The following NISCH variants were observed in gnomAD, a reference collection of about 807,000 sequenced individuals.
The protein encoded by NISCH is I-1 receptor candidate protein.
In NISCH, 55 loss-of-function variants were observed where a neutral mutation model predicts 138.4. The observed-to-expected ratio is 0.40, with a 90% CI of 0.32 to 0.50. The LOEUF is 0.50. Among genes scored for constraint, NISCH ranks in the 20% least tolerant of loss-of-function variants. NISCH has a pLI of 0.71. For missense variants in NISCH, 1,643 were observed against 2,005.5 expected, an observed-to-expected ratio of 0.82 and a Z score of 3.45; for synonymous variants, 860 against 861.5, an observed-to-expected ratio of 1.00 and a Z score of 0.03.
At chr3:52,480,374 G>A (rs1707236460) in intron 13 of NISCH, 79 bp downstream of exon 13, 2 of 1,583,408 alleles carry the variant, frequency 1.3e-6, no homozygotes, top group Non-Finnish European at 1.7e-6. Context: ...GGTTGGGGGA[G>A]AGGTGCCAGC....
In NISCH at chr3:52,488,287, C is replaced by A. The variant is rs766771062; in HGVS notation, c.2795C>A (p.Thr932Asn). The A allele has an allele frequency of 6.2e-7, 1 of 1,610,720 alleles. No individual in the cohort carries two copies. The highest frequency in any genetic ancestry group is 2.2e-5 in the East Asian group (1 of 44,882). The change falls in exon 16 of 21, where the codon ACC becomes AAC. Residue 932 changes from threonine (T) to asparagine (N), a missense_variant. By Grantham distance (65) the Thr-to-Asn change is moderately conservative (BLOSUM62 0). Coordinates refer to ENST00000345716, the MANE Select transcript of NISCH (RefSeq NM_007184.4). Reference protein sequence around the residue: ...ADFNPMPNRGTHNCRNRNSFK... With the variant: ...ADFNPMPNRGNHNCRNRNSFK... ...TTCAACCCCATGCCCAACCGTGGCA[C>A]CCACAACTGTCGCAACCGCAACAGC...
intron 3 of NISCH, among the ~76,000 whole-genome samples, chr3:52,467,930 C>G (rs1258250578): frequency 6.6e-6 from 1 of 152,096 alleles, no homozygotes; most frequent in Non-Finnish European, 1.5e-5. Flanking sequence ...TTTTTTTTCT[C>G]TGTGTTCTTT....
chr3:52,491,687 C>A, intron 20 of NISCH, 174 bp downstream of exon 20: 1 of 1,058,462 alleles, frequency 9.4e-7, no homozygotes, highest in Non-Finnish European at 1.3e-6. Flanking sequence ...CCAGCAGTCC[C>A]TCAACCATCT....
At chr3:52,469,579 C>T (rs1706882207) in intron 3 of NISCH, among the ~76,000 whole-genome samples, 1 of 152,176 alleles carries the variant, frequency 6.6e-6, no homozygotes, top group African/African-American at 2.4e-5. Context: ...CCACCCTGGG[C>T]AACATAGTGA....
intron 6 of NISCH, 52 bp downstream of exon 6, chr3:52,472,450 G>A: frequency 2.7e-6 from 4 of 1,480,544 alleles, no homozygotes; most frequent in Non-Finnish European, 3.8e-6. Context: ...AGAGGCTAGA[G>A]AGTGTTTGTG....
chr3:52,467,876 T>C (rs976740105), intron 3 of NISCH, among the ~76,000 whole-genome samples: 2 of 152,220 alleles, frequency 1.3e-5, no homozygotes, highest in African/African-American at 4.8e-5. Flanking sequence ...TCCTTCTGCC[T>C]CAGCCTCCCA....
chr3:52,492,767 C>T lies in NISCH; in HGVS notation c.*285C>T. ...TTGTGGGACCGTTGTTAACACGTGA[C>T]ACTGTGGGTCTGACTTTCTCTTCTA... is the stretch of plus-strand genomic sequence containing the variant. On this transcript the variant is annotated 3_prime_UTR_variant, in exon 21 of 21. Transcript: ENST00000345716. 1 of 452,178 alleles carries T rather than the reference C, an allele frequency of 2.2e-6. No homozygotes were observed. Among genetic ancestry groups the T allele is most frequent in the Admixed American group, 3.8e-5 (1 of 26,338 alleles). 28.0% of individuals were successfully genotyped at this position (452,178 alleles called of 1,614,324 possible).
intron 3 of NISCH, among the ~76,000 whole-genome samples, chr3:52,464,803 C>A (rs1375635907): frequency 6.6e-6 from 1 of 150,866 alleles, no homozygotes; most frequent in Non-Finnish European, 1.5e-5. Flanking sequence ...GGCATTACAG[C>A]CTGAGCCACC....
Position 52,490,095 on chromosome 3 carries a change from G to A in NISCH, c.3477G>A (p.Arg1159=), listed in dbSNP as rs200002810. Residue 1159 remains arginine (R), a synonymous_variant, in exon 18 of 21, where the codon AGG becomes AGA. Transcript: ENST00000345716. The stretch of plus-strand genomic sequence containing the variant: ...TTCAGGTTGAAAACGAGGAGCTGAG[G>A]CACCTCATGTGGTCCTCGGTGGTGT... ...SIAEVENEEL[R]HLMWSSVVFY... is the part of the protein sequence containing the mutation. 4 of 1,613,638 alleles carry A rather than the reference G, an allele frequency of 2.5e-6. No homozygotes were observed. The highest frequency in any genetic ancestry group is 1.3e-5 in the African/African-American group (1 of 75,032).
At chr3:52,470,805 C>T (rs1292447746) in intron 3 of NISCH, 54 bp from the exon 4 acceptor site, 1 of 1,499,238 alleles carries the variant, frequency 6.7e-7, no homozygotes, top group Admixed American at 1.7e-5. Flanking sequence ...GAATGTGACC[C>T]CAGGGACTGG....
chr3:52,474,386 T>C (rs1049626075), intron 7 of NISCH, among the ~76,000 whole-genome samples: 1 of 152,048 alleles, frequency 6.6e-6, no homozygotes, highest in Non-Finnish European at 1.5e-5. Context: ...AAGCTCTGCC[T>C]CCCGGGTTCA....
intron 7 of NISCH, among the ~76,000 whole-genome samples, chr3:52,474,981 C>T (rs575824180): frequency 2.0e-5 from 3 of 152,294 alleles, no homozygotes; most frequent in East Asian, 3.9e-4. Context: ...TTATGGATTA[C>T]ATCTTGCTAA....
intron 1 of NISCH, among the ~76,000 whole-genome samples, chr3:52,456,055 T>G (rs1169856211): frequency 2.0e-5 from 3 of 151,622 alleles, no homozygotes; most frequent in African/African-American, 7.3e-5. Flanking sequence ...CCCCTCTAGA[T>G]CCTCTAGGAC....
At chr3:52,481,937 GT>G (rs1271525408) in intron 13 of NISCH, 2 of 984,928 alleles carry the variant, frequency 2.0e-6, no homozygotes, top group Non-Finnish European at 2.4e-6. Context: ...TTTCCTTTTG[GT>G]GAGAAACAGC....
rs141246499 is a variant in NISCH, at chr3:52,473,773, G to A, written c.709G>A (p.Ala237Thr). ...TGCTAAGCACATCAGAGGGCTGGTC[G>A]CATCGAAGCCCACCTTAGCCACGCT... ...CDAKHIRGLVASKPTLATLSV... is the reference protein window; with the variant it reads ...CDAKHIRGLVTSKPTLATLSV... Residue 237 changes from alanine to threonine, a missense_variant, in exon 7 of 21, where the codon GCA (alanine) becomes ACA (threonine). Physicochemically the swap from Ala to Thr is moderately conservative, Grantham distance 58 (BLOSUM62 0). Coordinates refer to ENST00000345716, the MANE Select transcript of NISCH (RefSeq NM_007184.4). 397 of 1,608,584 alleles carry A rather than the reference G, an allele frequency of 2.5e-4. 2 individuals are homozygous for A. The African/African-American group carries it at 4.5e-3, about 18-fold the overall frequency.
chr3:52,462,862 G>A (rs775954675), intron 3 of NISCH, among the ~76,000 whole-genome samples: 2 of 151,932 alleles, frequency 1.3e-5, no homozygotes, highest in South Asian at 2.1e-4. Flanking sequence ...GGTCTCAAAC[G>A]CTTGACCTCG....
chr3:52,489,205 A>G, intron 16 of NISCH, 131 bp from the exon 17 acceptor site: 1 of 1,084,426 alleles, frequency 9.2e-7, no homozygotes, highest in East Asian at 2.4e-5. Context: ...CCAATAGAGA[A>G]GCTGGTGGAA....
rs763146124 is a variant in NISCH, at chr3:52,488,195, C to G, written c.2703C>G (p.Val901=). 3.1e-6 allele frequency: 5 copies of G among 1,613,248 alleles called. No individual in the cohort carries two copies. The highest frequency in any genetic ancestry group is 4.2e-6 in the Non-Finnish European group (5 of 1,179,964). The change falls in exon 16 of 21, where the codon GTC becomes GTG. Residue 901 remains valine, a synonymous_variant. Coordinates refer to ENST00000345716, the MANE Select transcript of NISCH (RefSeq NM_007184.4). ...RRSCCAPSEA[V]KSAAIPYWLL... is the part of the protein sequence containing the mutation. ...CCTGCTGCGCGCCCTCTGAGGCCGT[C>G]AAGTCCGCCGCCATCCCCTACTGGC...
At position 52,488,282 on chromosome 3, in the gene NISCH, T is replaced by C. The variant is rs1435202020; in HGVS notation, c.2790T>C (p.Arg930=). ...CCGACTTCAACCCCATGCCCAACCGTGGCACCCACAACTGTCGCAACCGCA... is the reference window on the plus strand; with the variant it reads ...CCGACTTCAACCCCATGCCCAACCGCGGCACCCACAACTGTCGCAACCGCA... ...IKADFNPMPN[R]GTHNCRNRNS... The change falls in exon 16 of 21, where the codon CGT becomes CGC. Residue 930 remains arginine, a synonymous_variant. Transcript: ENST00000345716. 6.2e-7 allele frequency: 1 copy of C among 1,610,542 alleles called. No individual in the cohort carries two copies. Among genetic ancestry groups the C allele is most frequent in the Admixed American group, 1.7e-5 (1 of 60,018 alleles).
Sources: gnomAD v4.1 joint callset for allele counts (sites outside exome capture counted in the v4.1 genomes callset) on GRCh38, gnomAD v4.1.1 for gene constraint, MANE v1.5 for transcripts, NCBI Gene and HGNC (gene_info 2026-07-23, HGNC 2026-07-21) for gene names.